The following SPRED2 variants were observed in gnomAD, a reference collection of about 807,000 sequenced individuals.
SPRED2 encodes the protein sprouty-related, EVH1 domain-containing protein 2.
SPRED2 carries 47 observed loss-of-function variants against 43.0 expected under a neutral mutation model. The ratio of observed to expected loss-of-function variants is 1.09; its 90% confidence interval spans 0.87 to 1.40. SPRED2 has a LOEUF of 1.40. Ranked by LOEUF, SPRED2 falls within the 40% of genes most tolerant of loss-of-function variation. The pLI is 0.00. For synonymous variants in SPRED2, 225 were observed against 225.7 expected (o/e 1.00, Z 0.03); for missense variants, 561 against 586.4 (o/e 0.96, Z 0.45).
chr2:65,324,712 G>T (rs1220962991), intron 4 of SPRED2, among the ~76,000 whole-genome samples: 3 of 152,160 alleles, frequency 2.0e-5, no homozygotes, highest in East Asian at 3.9e-4. Context: ...CTCAAGGAGG[G>T]AGGGAAGGAA....
At chr2:65,344,594 G>C in intron 2 of SPRED2, 125 bp downstream of exon 2, 1 of 1,311,322 alleles carries the variant, frequency 7.6e-7, no homozygotes, top group African/African-American at 1.5e-5. Flanking sequence ...AACTTTTGAA[G>C]CTTTTGCAAG....
chr2:65,324,550 G>A (rs527943929), intron 4 of SPRED2, among the ~76,000 whole-genome samples: 1 of 152,272 alleles, frequency 6.6e-6, no homozygotes, highest in African/African-American at 2.4e-5. Flanking sequence ...ATGATCTCTT[G>A]TTCTTGGAAG....
At chr2:65,394,213 T>C (rs1304793884) in intron 1 of SPRED2, among the ~76,000 whole-genome samples, 6 of 152,328 alleles carry the variant, frequency 3.9e-5, no homozygotes, top group South Asian at 2.1e-4. Flanking sequence ...CTGCTAGAAA[T>C]AGACCAACCA....
intron 1 of SPRED2, among the ~76,000 whole-genome samples, chr2:65,388,504 A>C (rs1481242017): frequency 6.6e-6 from 1 of 152,088 alleles, no homozygotes; most frequent in African/African-American, 2.4e-5. Context: ...ATTTTCAGTG[A>C]CTTCTTGAGC....
chr2:65,357,052 T>C (rs1346539713), intron 1 of SPRED2, among the ~76,000 whole-genome samples: 2 of 152,058 alleles, frequency 1.3e-5, no homozygotes, highest in East Asian at 3.9e-4. Context: ...TAATTTAACC[T>C]ATAGAGGAGG....
chr2:65,424,246 T>C (rs745492107), intron 1 of SPRED2, among the ~76,000 whole-genome samples: 6 of 152,154 alleles, frequency 3.9e-5, no homozygotes, highest in Non-Finnish European at 8.8e-5. Context: ...ACTACCATCA[T>C]GGCAGCCTCT....
intron 1 of SPRED2, among the ~76,000 whole-genome samples, chr2:65,413,875 G>T (rs1488007768): frequency 1.3e-5 from 2 of 152,136 alleles, no homozygotes; most frequent in African/African-American, 2.4e-5. Flanking sequence ...TATTCCCAAG[G>T]CCAGAAAGCG....
intron 2 of SPRED2, among the ~76,000 whole-genome samples, chr2:65,340,546 G>A (rs987603168): frequency 6.6e-6 from 1 of 152,260 alleles, no homozygotes; most frequent in Middle Eastern, 3.4e-3. Context: ...TGTTTCAGGA[G>A]TAAACTCCTC....
chr2:65,319,978 G>A (rs1329441283), intron 4 of SPRED2, among the ~76,000 whole-genome samples: 2 of 152,176 alleles, frequency 1.3e-5, no homozygotes, highest in African/African-American at 2.4e-5. Flanking sequence ...CCTATGCTAA[G>A]AGGTATTTTG....
intron 1 of SPRED2, among the ~76,000 whole-genome samples, chr2:65,407,847 C>A (rs544831927): frequency 2.6e-5 from 4 of 152,238 alleles, no homozygotes; most frequent in African/African-American, 9.6e-5. Context: ...CTAACATGAC[C>A]GAGTGCAAAG....
intron 1 of SPRED2, among the ~76,000 whole-genome samples, chr2:65,348,317 T>C (rs1674410401): frequency 6.6e-6 from 1 of 152,202 alleles, no homozygotes; most frequent in Non-Finnish European, 1.5e-5. Context: ...GCTTTGGCTT[T>C]CTATATGCTA....
chr2:65,319,573 C>T (rs191599597), intron 4 of SPRED2, among the ~76,000 whole-genome samples: 4 of 152,306 alleles, frequency 2.6e-5, no homozygotes, highest in Admixed American at 2.0e-4. Flanking sequence ...CACTTGGGTG[C>T]ACTTTCCCTT....
Position 65,313,749 on chromosome 2 carries a change from T to G in SPRED2, c.1009A>C (p.Ile337Leu). Reference sequence around the variant, plus strand: ...CACCACATGCAGCTCACCCGGCGGATGCAAGTTCTCACGGAGTCGGGCGCG... The same window carrying G: ...CACCACATGCAGCTCACCCGGCGGAGGCAAGTTCTCACGGAGTCGGGCGCG... ...QDAPDSVRTCIRRVSCMWCAD... is the reference protein window; with the variant it reads ...QDAPDSVRTCLRRVSCMWCAD... Residue 337 changes from isoleucine (I) to leucine (L), a missense_variant, in exon 6 of 6, where the codon ATC (isoleucine) becomes CTC (leucine). Coordinates refer to ENST00000356388, the MANE Select transcript of SPRED2 (RefSeq NM_181784.3). The G allele has an allele frequency of 6.2e-7, 1 of 1,614,214 alleles. No homozygotes were observed. The highest frequency in any genetic ancestry group is 8.5e-7 in the Non-Finnish European group (1 of 1,180,040).
At chr2:65,317,950 C>T (rs1377911565) in intron 4 of SPRED2, among the ~76,000 whole-genome samples, 2 of 152,000 alleles carry the variant, frequency 1.3e-5, no homozygotes, top group Non-Finnish European at 2.9e-5. Flanking sequence ...GCTATCAGTG[C>T]GCACTGTACA....
At chr2:65,360,602 C>T (rs867444696) in intron 1 of SPRED2, among the ~76,000 whole-genome samples, 5 of 152,178 alleles carry the variant, frequency 3.3e-5, no homozygotes, top group Non-Finnish European at 4.4e-5. Context: ...TCCGCTTACA[C>T]CAGCTATCTA....
At chr2:65,330,419 T>C (rs1419014823) in intron 4 of SPRED2, among the ~76,000 whole-genome samples, 1 of 152,268 alleles carries the variant, frequency 6.6e-6, no homozygotes, top group East Asian at 1.9e-4. Flanking sequence ...GGGATCGTAA[T>C]GGTGGTGTGT....
intron 1 of SPRED2, among the ~76,000 whole-genome samples, chr2:65,354,245 C>T (rs770838840): frequency 7.2e-5 from 11 of 152,088 alleles, no homozygotes; most frequent in Non-Finnish European, 1.6e-4. Flanking sequence ...GCTTCTAGTG[C>T]CCCCATCATC....
In SPRED2 at chr2:65,432,137, G is replaced by A; in HGVS notation, c.-150C>T. The A allele has an allele frequency of 1.0e-6, 1 of 958,348 alleles. No homozygotes were observed. Among genetic ancestry groups the A allele is most frequent in the Non-Finnish European group, 1.6e-6 (1 of 623,300 alleles). 59.4% of individuals were successfully genotyped at this position (958,348 alleles called of 1,614,324 possible). A position where few individuals can be genotyped will look rare whatever the true frequency, so the allele number is the denominator to read the frequency against. On this transcript the variant is annotated 5_prime_UTR_variant, in exon 1 of 6. Coordinates refer to ENST00000356388, the MANE Select transcript of SPRED2 (RefSeq NM_181784.3). Reference sequence around the variant, plus strand: ...GATGAAGAGGGCGCCGCAGCAGAAGGGGAAGCAGGGCGCGGGATAGGGTTT... The same window carrying A: ...GATGAAGAGGGCGCCGCAGCAGAAGAGGAAGCAGGGCGCGGGATAGGGTTT...
At position 65,316,762 on chromosome 2, in the gene SPRED2, T is replaced by G; in HGVS notation, c.560A>C (p.Tyr187Ser). The change falls in exon 5 of 6, where the codon TAC becomes TCC. Residue 187 changes from tyrosine (Y) to serine (S), a missense_variant. Tyr to Ser is a moderately radical substitution (Grantham distance 144). Transcript: ENST00000356388. Reference sequence around the variant, plus strand: ...ATCGAGGTGATAGTGGTCTGTGGGGTATGAGTCGTGGAGGTGGCCCAGGGT... The same window carrying G: ...ATCGAGGTGATAGTGGTCTGTGGGGGATGAGTCGTGGAGGTGGCCCAGGGT... ...IYTLGHLHDSYPTDHYHLDQP... is the reference protein window; with the variant it reads ...IYTLGHLHDSSPTDHYHLDQP... The G allele has an allele frequency of 6.2e-7, 1 of 1,611,834 alleles. No individual in the cohort carries two copies.
Sources: gnomAD v4.1 joint callset for allele counts (sites outside exome capture counted in the v4.1 genomes callset) on GRCh38, gnomAD v4.1.1 for gene constraint, MANE v1.5 for transcripts, NCBI Gene and HGNC (gene_info 2026-07-23, HGNC 2026-07-21) for gene names.